NCALD: variants seen among roughly 807,000 people sequenced by gnomAD.
The protein encoded by NCALD is neurocalcin delta, also known as neurocalcin-delta.
NCALD carries 10 observed loss-of-function variants against 18.6 expected under a neutral mutation model. The ratio of observed to expected loss-of-function variants is 0.54; its 90% CI spans 0.33 to 0.91. NCALD has a LOEUF of 0.91. NCALD is among the 40% of genes least tolerant of loss of function. The probability of loss-of-function intolerance (pLI) is 0.03; values close to 1 mark genes in which losing one functional copy is unlikely to be tolerated. For missense variants in NCALD, 184 were observed against 247.6 expected, an observed-to-expected ratio of 0.74 and a Z score of 1.72; for synonymous variants, 88 against 87.4, an observed-to-expected ratio of 1.01 and a Z score of -0.04.
intron 1 of NCALD, among the ~76,000 whole-genome samples, chr8:102,040,883 A>G (rs893988896): frequency 1.3e-5 from 2 of 152,186 alleles, no homozygotes; most frequent in Middle Eastern, 3.2e-3. Context: ...GAAGCTCCCT[A>G]TGCCAGGGTT....
upstream of NCALD, among the ~76,000 whole-genome samples, chr8:101,791,559 C>T (rs1812446498): frequency 1.3e-5 from 2 of 152,136 alleles, no homozygotes; most frequent in South Asian, 2.1e-4. Flanking sequence ...GGGTTCATGA[C>T]AGTGGCTTAT....
chr8:101,795,461 T>A (rs923174761), upstream of NCALD, among the ~76,000 whole-genome samples: 4 of 152,156 alleles, frequency 2.6e-5, no homozygotes, highest in African/African-American at 9.7e-5. Flanking sequence ...ATTTCCTGCT[T>A]CCTAGATGGC....
intron 2 of NCALD, among the ~76,000 whole-genome samples, chr8:102,015,878 G>A (rs561731712): frequency 6.6e-6 from 1 of 152,280 alleles, no homozygotes; most frequent in South Asian, 2.1e-4. Context: ...TCAGAAACAT[G>A]AGATGAGCCC....
chr8:101,732,620 T>C lies in NCALD; in HGVS notation c.-19-12972A>G, dbSNP rs78952848. Among the ~76,000 whole-genome samples, 11 of 83,194 alleles carry C rather than the reference T, an allele frequency of 1.3e-4. 1 individual carries two copies. The East Asian group carries it at 4.0e-3, about 30-fold the overall frequency. 54.6% of individuals were successfully genotyped at this position (83,194 alleles called of 152,430 possible). A position where few individuals can be genotyped will look rare whatever the true frequency, so the allele number is the denominator to read the frequency against. ...TTTTTTTTTTTTTTTTTTTTTTTTT[T>C]TGAGACAGGGTCTTGCTCTGTCTCC... On this transcript the variant is annotated intron_variant, in intron 1 of 3. Transcript: ENST00000220931.
intron 2 of NCALD, among the ~76,000 whole-genome samples, chr8:101,946,315 A>G (rs1351292796): frequency 6.6e-6 from 1 of 152,186 alleles, no homozygotes; most frequent in East Asian, 1.9e-4. Context: ...GATGAGCTAG[A>G]CCTACATGGA....
rs1410661187 is a variant in NCALD at position 101,957,392 on chromosome 8, A to G, written c.-156-41534T>C. Among the ~76,000 whole-genome samples, 5 of 150,884 alleles carry G rather than the reference A, an allele frequency of 3.3e-5. No homozygotes were observed. In the Admixed American group the frequency reaches 3.3e-4, roughly 10 times the overall value. ...GCCCTCCGCAGCCAAAGAGCATAATACCCAGGAAATCAAATGAAATCAGTC... is the reference window on the plus strand; with the variant it reads ...GCCCTCCGCAGCCAAAGAGCATAATGCCCAGGAAATCAAATGAAATCAGTC... On this transcript the variant is annotated intron_variant, in intron 2 of 6. Coordinates refer to the NCALD transcript ENST00000311028.
At chr8:101,893,118 G>C (rs1816981417) in intron 3 of NCALD, among the ~76,000 whole-genome samples, 1 of 151,566 alleles carries the variant, frequency 6.6e-6, no homozygotes, top group Admixed American at 6.6e-5. Context: ...AGAGAGAAAG[G>C]TCAGGTTACC....
rs112523643 is a variant in NCALD, at chr8:101,990,338, C to T, written c.-157+29899G>A. Among the ~76,000 whole-genome samples the T allele has an allele frequency of 4.4e-3, 675 of 152,244 alleles. 2 individuals are homozygous for T. The highest frequency in any genetic ancestry group is 0.014 in the African/African-American group (598 of 41,534). Reference sequence around the variant, plus strand: ...GGAAGCCAGGGAGGGAGATAGCATTCCACTGAAGTCCTGATTAATTCAAAG... The same window carrying T: ...GGAAGCCAGGGAGGGAGATAGCATTTCACTGAAGTCCTGATTAATTCAAAG... On this transcript the variant is annotated intron_variant, in intron 2 of 6. Transcript: ENST00000311028.
chr8:102,009,331 G>A (rs1271571122), intron 2 of NCALD, among the ~76,000 whole-genome samples: 1 of 152,212 alleles, frequency 6.6e-6, no homozygotes, highest in East Asian at 1.9e-4. Context: ...AGCAATTAAT[G>A]AGAATTAGAT....
Position 101,835,338 on chromosome 8 carries a change from G to A in NCALD, c.-20+51803C>T, listed in dbSNP as rs1027422310. 1.1e-4 allele frequency among the ~76,000 whole-genome samples: 16 copies of A among 152,286 alleles called. No homozygotes were observed. The South Asian group carries it at 1.2e-3, about 12-fold the overall frequency. On this transcript the variant is annotated intron_variant, in intron 4 of 6. Coordinates refer to the NCALD transcript ENST00000311028. ...GGGTCATTTTGCCCCTCCCAACCCC[G>A]CTTCCCTCCACCTTCTGCCAAACCA...
chr8:101,711,212 A>C (rs779830759), intron 2 of NCALD, among the ~76,000 whole-genome samples: 1 of 152,192 alleles, frequency 6.6e-6, no homozygotes, highest in Non-Finnish European at 1.5e-5. Flanking sequence ...ACAGAAAGCA[A>C]TAGCATCAAC....
intron 2 of NCALD, among the ~76,000 whole-genome samples, chr8:101,967,604 C>T (rs1025441892): frequency 8.4e-4 from 128 of 152,238 alleles, no homozygotes; most frequent in African/African-American, 2.9e-3. Context: ...CTGCTAAAAG[C>T]AGAACACAGA....
intron 1 of NCALD, among the ~76,000 whole-genome samples, chr8:101,772,188 G>A (rs991129206): frequency 3.9e-5 from 6 of 152,186 alleles, no homozygotes; most frequent in Admixed American, 3.3e-4. Context: ...TTTGGGAAAC[G>A]TGTCTTATCA....
exon 4 of NCALD, chr8:101,887,200 TAAC>T (rs893714695): frequency 2.0e-5 from 3 of 152,304 alleles, no homozygotes; most frequent in African/African-American, 7.2e-5. Context: ...CGACAGATTT[TAAC>T]ACCAGGAGAT....
At chr8:102,108,239 A>G (rs1825535452) in intron 1 of NCALD, among the ~76,000 whole-genome samples, 1 of 152,232 alleles carries the variant, frequency 6.6e-6, no homozygotes. Context: ...TTTGGCATAC[A>G]CAAAAACACA....
intron 4 of NCALD, among the ~76,000 whole-genome samples, chr8:101,814,592 T>C (rs1813424534): frequency 6.6e-6 from 1 of 152,028 alleles, no homozygotes; most frequent in Non-Finnish European, 1.5e-5. Flanking sequence ...AGGGTGTCTC[T>C]ACTCATTTGC....
chr8:101,758,306 T>TC (rs1489253569), intron 1 of NCALD, among the ~76,000 whole-genome samples: 1 of 152,022 alleles, frequency 6.6e-6, no homozygotes, highest in African/African-American at 2.4e-5. Flanking sequence ...GCCCCAGCTC[T>TC]CCCCCTCCAT....
At chr8:101,952,531 C>T (rs1819469592) in intron 2 of NCALD, among the ~76,000 whole-genome samples, 1 of 152,158 alleles carries the variant, frequency 6.6e-6, no homozygotes, top group African/African-American at 2.4e-5. Flanking sequence ...GAATCATTTC[C>T]AGTGTTGACA....
At chr8:101,730,502 A>AAAAAAAAAAAT (rs1389629484) in intron 1 of NCALD, among the ~76,000 whole-genome samples, 1 of 151,462 alleles carries the variant, frequency 6.6e-6, no homozygotes, top group African/African-American at 2.4e-5. Flanking sequence ...AAAAAAAAAA[A>AAAAAAAAAAAT]AAGAATACTG....
Sources: gnomAD v4.1 joint callset for allele counts (sites outside exome capture counted in the v4.1 genomes callset) on GRCh38, gnomAD v4.1.1 for gene constraint, MANE v1.5 for transcripts, NCBI Gene and HGNC (gene_info 2026-07-23, HGNC 2026-07-21) for gene names.